The following IPPK variants were observed in gnomAD, a reference collection of about 807,000 sequenced individuals.
IPPK encodes inositol-pentakisphosphate 2-kinase, also known as IPK1 homolog.
IPPK carries 22 observed loss-of-function variants against 64.6 expected under a neutral mutation model. That is an observed-to-expected ratio of 0.34 (90% CI 0.24 to 0.49). The LOEUF (loss-of-function observed/expected upper bound fraction) is 0.49. IPPK is among the 20% of genes least tolerant of loss of function. The pLI is 0.99. For missense variants in IPPK, 532 were observed against 630.7 expected (o/e 0.84, Z 1.68); for synonymous variants, 262 against 247.2 (o/e 1.06, Z -0.56).
chr9:92,617,956 C>A, intron 12 of IPPK: 1 of 310,604 alleles, frequency 3.2e-6, no homozygotes, highest in Non-Finnish European at 6.4e-6. Context: ...TAAATGTGGT[C>A]AATCTATCTG....
At chr9:92,669,341 A>G (rs920665312) in intron 1 of IPPK, among the ~76,000 whole-genome samples, 6 of 152,232 alleles carry the variant, frequency 3.9e-5, no homozygotes, top group Non-Finnish European at 7.3e-5. Context: ...TTCAGGTGAA[A>G]GCCTTCAAAT....
rs112661654 is a variant in IPPK, at chr9:92,615,648, A to G, written c.*184T>C. Reference sequence around the variant, plus strand: ...CTGGGACACAGCACTCACTTCCTACATTCCTTGTCCAGGAAGTTGTTTCTA... The same window carrying G: ...CTGGGACACAGCACTCACTTCCTACGTTCCTTGTCCAGGAAGTTGTTTCTA... On this transcript the variant is annotated 3_prime_UTR_variant, in exon 13 of 13. Coordinates refer to ENST00000287996, the MANE Select transcript of IPPK (RefSeq NM_022755.6). The G allele has an allele frequency of 5.0e-5, 29 of 578,172 alleles. 2 individuals are homozygous for G. Among genetic ancestry groups the G allele is most frequent in the African/African-American group, 3.6e-4 (19 of 53,424 alleles). The allele number at this position is 578,172 out of a possible 1,614,324, so 35.8% of individuals were successfully genotyped here. A position where few individuals can be genotyped will look rare whatever the true frequency, so the allele number is the denominator to read the frequency against.
chr9:92,631,801 A>C (rs1851850615), intron 11 of IPPK, among the ~76,000 whole-genome samples: 1 of 152,200 alleles, frequency 6.6e-6, no homozygotes, highest in African/African-American at 2.4e-5. Context: ...GTGTGTGATC[A>C]CACGTAGGTT....
At position 92,642,800 on chromosome 9, in the gene IPPK, C is replaced by T; in HGVS notation, c.515G>A (p.Gly172Glu). Residue 172 changes from glycine (G) to glutamate (E), a missense_variant, in exon 7 of 13, where the codon GGG becomes GAG. Transcript: ENST00000287996. ...CMHQHLKVAT[G>E]KWKQISKYCP... ...GTATTTGCTGATCTGCTTCCACTTC[C>T]CAGTTGCTACCTGTGAAAACACCAA... The T allele has an allele frequency of 1.9e-6, 3 of 1,614,052 alleles. No homozygotes were observed. The highest frequency in any genetic ancestry group is 8.5e-7 in the Non-Finnish European group (1 of 1,179,858).
At chr9:92,621,756 A>T (rs1851639470) in intron 11 of IPPK, among the ~76,000 whole-genome samples, 1 of 152,120 alleles carries the variant, frequency 6.6e-6, no homozygotes, top group Admixed American at 6.5e-5. Context: ...AGCTCAAGTG[A>T]TCCTCCCACC....
chr9:92,669,651 G>A (rs904996626), intron 1 of IPPK, among the ~76,000 whole-genome samples: 1 of 152,112 alleles, frequency 6.6e-6, no homozygotes, highest in Non-Finnish European at 1.5e-5. Flanking sequence ...GAATACTGAG[G>A]GGACGACAGA....
At chr9:92,669,062 T>C (rs1852666624) in intron 1 of IPPK, among the ~76,000 whole-genome samples, 1 of 151,686 alleles carries the variant, frequency 6.6e-6, no homozygotes, top group African/African-American at 2.4e-5. Flanking sequence ...TCCCACAAAG[T>C]GAATTCTACT....
At chr9:92,639,493 T>A (rs1037962675) in intron 8 of IPPK, among the ~76,000 whole-genome samples, 1 of 152,192 alleles carries the variant, frequency 6.6e-6, no homozygotes, top group Non-Finnish European at 1.5e-5. Flanking sequence ...TCATTCTGCA[T>A]CCCTTCTCTT....
chr9:92,632,905 T>C (rs1289196586), intron 11 of IPPK, among the ~76,000 whole-genome samples: 3 of 152,208 alleles, frequency 2.0e-5, no homozygotes, highest in Non-Finnish European at 2.9e-5. Context: ...TGCATGCACA[T>C]GTGGGGAGGA....
chr9:92,626,102 AACT>A (rs1851728445), intron 11 of IPPK, among the ~76,000 whole-genome samples: 1 of 152,212 alleles, frequency 6.6e-6, no homozygotes, highest in South Asian at 2.1e-4. Context: ...TTAAAGATAG[AACT>A]ACTGAAATGG....
intron 1 of IPPK, among the ~76,000 whole-genome samples, chr9:92,659,402 G>A (rs1852435924): frequency 1.3e-5 from 2 of 152,160 alleles, no homozygotes; most frequent in South Asian, 4.1e-4. Flanking sequence ...AAGTATTGAT[G>A]TGTCTACATC....
Position 92,635,157 on chromosome 9 carries a change from C to T in IPPK, c.1067+1G>A. The T allele has an allele frequency of 6.2e-7, 1 of 1,610,680 alleles. No homozygotes were observed. On this transcript the variant is annotated splice_donor_variant, in intron 10 of 12. Coordinates refer to ENST00000287996, the MANE Select transcript of IPPK (RefSeq NM_022755.6). LOFTEE classifies it high-confidence loss of function. The surrounding 1 kb of genome is among the most constrained non-coding windows in gnomAD (Gnocchi z 4.4). ...CCAACAGGGGGACCGCCCGACCTCA[C>T]CTCTCCTCGGGAAACTCTTCCAGGT...
intron 11 of IPPK, among the ~76,000 whole-genome samples, chr9:92,621,329 A>G (rs552266897): frequency 6.6e-6 from 1 of 152,216 alleles, no homozygotes; most frequent in African/African-American, 2.4e-5. Context: ...AAAAGATAAT[A>G]AAAGAACATT....
chr9:92,666,757 T>C (rs957314551), intron 1 of IPPK, among the ~76,000 whole-genome samples: 5 of 152,202 alleles, frequency 3.3e-5, no homozygotes, highest in African/African-American at 1.2e-4. Flanking sequence ...TTGGGGAAGC[T>C]GACCACCTTC....
At chr9:92,648,033 GC>G (rs752455208) in intron 6 of IPPK, 25 bp downstream of exon 6, 3 of 1,564,980 alleles carry the variant, frequency 1.9e-6, no homozygotes, top group Non-Finnish European at 2.6e-6. Flanking sequence ...AGCTAGAGTA[GC>G]CCACAGCTGG....
At position 92,669,889 on chromosome 9, in the gene IPPK, C is replaced by T. The variant is rs995155376; in HGVS notation, c.81+19G>A. Reference sequence around the variant, plus strand: ...GTCGGAGTGAGGTACCGGACCTGCGCCGCACGTCCACCGCTCACCTGCGCG... The same window carrying T: ...GTCGGAGTGAGGTACCGGACCTGCGTCGCACGTCCACCGCTCACCTGCGCG... On this transcript the variant is annotated intron_variant, in intron 1 of 12. Coordinates refer to ENST00000287996, the MANE Select transcript of IPPK (RefSeq NM_022755.6). The T allele has an allele frequency of 6.3e-7, 1 of 1,589,926 alleles. No homozygotes were observed. Among genetic ancestry groups the T allele is most frequent in the African/African-American group, 1.3e-5 (1 of 74,128 alleles).
chr9:92,666,117 A>G (rs150657587), intron 1 of IPPK, among the ~76,000 whole-genome samples: 59 of 152,310 alleles, frequency 3.9e-4, no homozygotes, highest in African/African-American at 1.4e-3. Context: ...TAAATGGCAA[A>G]GTCTTTCCTG....
chr9:92,640,755 CA>C lies in IPPK; in HGVS notation c.590del (p.Leu197Ter). 1 of 1,613,098 alleles carries C rather than the reference CA, an allele frequency of 6.2e-7. No individual in the cohort carries two copies. Among genetic ancestry groups the C allele is most frequent in the Non-Finnish European group, 8.5e-7 (1 of 1,179,036 alleles). On this transcript the variant is annotated frameshift_variant, in exon 8 of 13. Coordinates refer to ENST00000287996, the MANE Select transcript of IPPK (RefSeq NM_022755.6). LOFTEE classifies it high-confidence loss of function. ...SGNKQRMHFA[L>X]KSLLQEAQNN... ...TCTGTGCCTCCTGCAGCAAACTCTTCAAGGCAAAGTGCATTCTCTGTTTGTT... is the reference window on the plus strand; with the variant it reads ...TCTGTGCCTCCTGCAGCAAACTCTTCAGGCAAAGTGCATTCTCTGTTTGTT...
chr9:92,644,118 G>C lies in IPPK; in HGVS notation c.505-1308C>G, dbSNP rs146102263. 5.3e-3 allele frequency among the ~76,000 whole-genome samples: 799 copies of C among 152,190 alleles called. 16 individuals carry two copies. The highest frequency in any genetic ancestry group is 6.8e-3 in the East Asian group (35 of 5,184). On this transcript the variant is annotated intron_variant, in intron 6 of 12. Coordinates refer to ENST00000287996, the MANE Select transcript of IPPK (RefSeq NM_022755.6). Reference sequence around the variant, plus strand: ...AAAGAAAAGAAGGGGTGATGTTGGTGAAATAGTGGAGCAATGACCTCCAGA... The same window carrying C: ...AAAGAAAAGAAGGGGTGATGTTGGTCAAATAGTGGAGCAATGACCTCCAGA...
Sources: gnomAD v4.1 joint callset for allele counts (sites outside exome capture counted in the v4.1 genomes callset) on GRCh38, gnomAD v4.1.1 for gene constraint, Gnocchi (gnomAD v3.1) non-coding constraint, MANE v1.5 for transcripts, NCBI Gene and HGNC (gene_info 2026-07-23, HGNC 2026-07-21) for gene names.